The following FBH1 variants were observed in gnomAD, a reference collection of about 807,000 sequenced individuals.
The protein encoded by FBH1 is F-box DNA helicase 1, also known as DNA 3'-5' helicase 1.
Under a neutral mutation model 115.5 loss-of-function variants are expected in FBH1, and 43 were observed. The ratio of observed to expected loss-of-function variants is 0.37; its 90% CI spans 0.29 to 0.48. The LOEUF is 0.48. FBH1 is among the 20% of genes least tolerant of loss of function. The pLI, the probability that FBH1 is intolerant of heterozygous loss-of-function variation, is 0.99. For synonymous variants in FBH1, 524 were observed against 507.8 expected (o/e 1.03, Z -0.43); for missense variants, 1,001 against 1,337.3 (o/e 0.75, Z 3.92).
rs567468228 is a variant in FBH1 at position 5,931,032 on chromosome 10, G to A, written c.2829+3491G>A. Among the ~76,000 whole-genome samples, 1 of 152,062 alleles carries A rather than the reference G, an allele frequency of 6.6e-6. No homozygotes were observed. The highest frequency in any genetic ancestry group is 2.4e-5 in the African/African-American group (1 of 41,406). On this transcript the variant is annotated intron_variant, in intron 19 of 20. Coordinates refer to ENST00000362091, the MANE Select transcript of FBH1 (RefSeq NM_178150.3). The surrounding 1 kb of genome is among the most constrained non-coding windows in gnomAD (Gnocchi z 4.3). ...CCTACCTCAGCCTCCCAAAGTTCTG[G>A]GATTATAGGTGTGACACCAGGCAAA...
Position 5,913,116 on chromosome 10 carries a change from T to TGAGTCTGAC in FBH1, c.1212-619_1212-611dup, listed in dbSNP as rs1213412654. Among the ~76,000 whole-genome samples the TGAGTCTGAC allele has an allele frequency of 3.3e-5, 5 of 152,116 alleles. No homozygotes were observed. Among genetic ancestry groups the TGAGTCTGAC allele is most frequent in the East Asian group, 1.9e-4 (1 of 5,194 alleles). Reference sequence around the variant, plus strand: ...AGGCTTTGGAACGGCGTGTGCCAGCTGAGTCTGACGAGTCTGACGATGTCC... The same window carrying TGAGTCTGAC: ...AGGCTTTGGAACGGCGTGTGCCAGCTGAGTCTGACGAGTCTGACGAGTCTGACGATGTCC... On this transcript the variant is annotated intron_variant, in intron 6 of 20. Transcript: ENST00000362091. The surrounding 1 kb of genome is among the most constrained non-coding windows in gnomAD (Gnocchi z 4.4).
intron 1 of FBH1, among the ~76,000 whole-genome samples, chr10:5,898,284 G>C (rs61832956): frequency 6.6e-6 from 1 of 152,122 alleles, no homozygotes; most frequent in African/African-American, 2.4e-5. Context: ...GTTCATAGAC[G>C]GCACCTTCTC....
At chr10:5,896,231 C>G (rs1430735721) in intron 1 of FBH1, among the ~76,000 whole-genome samples, 1 of 152,056 alleles carries the variant, frequency 6.6e-6, no homozygotes, top group Non-Finnish European at 1.5e-5. Flanking sequence ...ATCGGGGGAC[C>G]TCACCAGGGC....
chr10:5,925,136 G>A lies in FBH1; in HGVS notation c.2597-231G>A, dbSNP rs1832564034. The A allele has an allele frequency of 3.9e-6, 2 of 508,212 alleles. No individual in the cohort carries two copies. Among genetic ancestry groups the A allele is most frequent in the South Asian group, 2.2e-5 (1 of 46,470 alleles). The allele number at this position is 508,212 out of a possible 1,614,324, so 31.5% of individuals were successfully genotyped here. On this transcript the variant is annotated intron_variant, in intron 17 of 20. Transcript: ENST00000362091. This position sits in a 1 kb window ranked among gnomAD's most constrained non-coding sequence, Gnocchi z 4.6. ...CCTCTGGGATGTGATTCCGAGAGGC[G>A]TTAACTCTCCTGCAACTAATTTTCG...
rs1047688349 is a variant in FBH1, at chr10:5,917,787, A to C, written c.1963+111A>C. 2.3e-6 allele frequency: 2 copies of C among 879,170 alleles called. No homozygotes were observed. The highest frequency in any genetic ancestry group is 3.6e-6 in the Non-Finnish European group (2 of 558,088). 54.5% of individuals were successfully genotyped at this position (879,170 alleles called of 1,614,324 possible). On this transcript the variant is annotated intron_variant, in intron 12 of 20. Transcript: ENST00000362091. The surrounding 1 kb of genome is among the most constrained non-coding windows in gnomAD (Gnocchi z 5.6). ...TTGATTATTATTATTTGTGATAAAG[A>C]AGAGGATCTTCATACTTACCTTAGG...
In FBH1 at chr10:5,911,848, T is replaced by C. The variant is rs1034338272; in HGVS notation, c.1211+720T>C. On this transcript the variant is annotated intron_variant, in intron 6 of 20. Coordinates refer to ENST00000362091, the MANE Select transcript of FBH1 (RefSeq NM_178150.3). The surrounding 1 kb of genome is among the most constrained non-coding windows in gnomAD (Gnocchi z 5.4). ...GGTGGAAAAAGCTTCTCTGAGCAGG[T>C]AGTGTCTGAGTGAAACCTGAGTGTG... is the stretch of plus-strand genomic sequence containing the variant. 6.6e-6 allele frequency among the ~76,000 whole-genome samples: 1 copy of C among 152,078 alleles called. No homozygotes were observed. The highest frequency in any genetic ancestry group is 1.5e-5 in the Non-Finnish European group (1 of 68,002).
intron 2 of FBH1, among the ~76,000 whole-genome samples, chr10:5,903,972 A>T (rs1305987445): frequency 6.6e-6 from 1 of 152,214 alleles, no homozygotes; most frequent in Non-Finnish European, 1.5e-5. Context: ...TACCAAATGA[A>T]TTCCCACTTT....
chr10:5,909,164 C>T lies in FBH1; in HGVS notation c.890C>T (p.Thr297Ile), dbSNP rs370139924. 3.7e-5 allele frequency: 60 copies of T among 1,613,628 alleles called. No homozygotes were observed. Among genetic ancestry groups the T allele is most frequent in the African/African-American group, 1.5e-4 (11 of 75,038 alleles). Reference protein sequence around the residue: ...DLCVLNLIRYTATTKCSPSVD... With the variant: ...DLCVLNLIRYIATTKCSPSVD... ...CTCCTGTGAATGTCTTACAGATACA[C>T]AGCCACCACTAAGTGCTCTCCGAGT... Residue 297 changes from threonine (T) to isoleucine (I), a missense_variant, in exon 5 of 21, where the codon ACA becomes ATA. Coordinates refer to ENST00000362091, the MANE Select transcript of FBH1 (RefSeq NM_178150.3). This position sits in a 1 kb window ranked among gnomAD's most constrained non-coding sequence, Gnocchi z 4.4.
Position 5,935,525 on chromosome 10 carries a change from G to A in FBH1, c.2830-931G>A, listed in dbSNP as rs544911146. ...AGGAAATTGAGATGACAGTCCAAGG[G>A]ACTTCAGCAAAATCTGTGACTTCAG... is the stretch of plus-strand genomic sequence containing the variant. On this transcript the variant is annotated intron_variant, in intron 19 of 20. Coordinates refer to ENST00000362091, the MANE Select transcript of FBH1 (RefSeq NM_178150.3). The surrounding 1 kb of genome is among the most constrained non-coding windows in gnomAD (Gnocchi z 5.2). The A allele has an allele frequency of 2.0e-5, 3 of 152,354 alleles. No homozygotes were observed. The highest frequency in any genetic ancestry group is 4.1e-4 in the South Asian group (2 of 4,824). The allele number at this position is 152,354 out of a possible 1,614,324, so 9.4% of individuals were successfully genotyped here.
At position 5,923,756 on chromosome 10, in the gene FBH1, A is replaced by G; in HGVS notation, c.2398+60A>G. 2 of 1,479,906 alleles carry G rather than the reference A, an allele frequency of 1.4e-6. No homozygotes were observed. Among genetic ancestry groups the G allele is most frequent in the Non-Finnish European group, 1.9e-6 (2 of 1,063,004 alleles). 91.7% of individuals were successfully genotyped at this position (1,479,906 alleles called of 1,614,324 possible). A position where few individuals can be genotyped will look rare whatever the true frequency, so the allele number is the denominator to read the frequency against. On this transcript the variant is annotated intron_variant, in intron 16 of 20. Transcript: ENST00000362091. This position sits in a 1 kb window ranked among gnomAD's most constrained non-coding sequence, Gnocchi z 5.7. The stretch of plus-strand genomic sequence containing the variant: ...ACGCACCCAAGTGACAGGGACGAGA[A>G]AGAAGCAGGCCCAGTCTGAGTCAGG...
chr10:5,937,100 A>G lies in FBH1; in HGVS notation c.2962-10A>G. 2.5e-6 allele frequency: 4 copies of G among 1,588,476 alleles called. No homozygotes were observed. Among genetic ancestry groups the G allele is most frequent in the South Asian group, 1.1e-5 (1 of 87,918 alleles). On this transcript the variant is annotated splice_polypyrimidine_tract_variant and intron_variant, in intron 20 of 20. Coordinates refer to ENST00000362091, the MANE Select transcript of FBH1 (RefSeq NM_178150.3). ...TTCCCCTTAGCTCTCTCTCTTGTCC[A>G]TCACCACAGAGCAACAGGAAGGAAA...
intron 1 of FBH1, among the ~76,000 whole-genome samples, chr10:5,892,788 C>T (rs563064773): frequency 4.3e-4 from 65 of 152,304 alleles, no homozygotes; most frequent in African/African-American, 1.5e-3. Flanking sequence ...GCCAGTTATC[C>T]TTGTTGCTCT....
rs1831495597 is a variant in FBH1 at position 5,910,262 on chromosome 10, A to G, written c.1021-676A>G. Among the ~76,000 whole-genome samples the G allele has an allele frequency of 2.0e-5, 3 of 151,814 alleles. No individual in the cohort carries two copies. Among genetic ancestry groups the G allele is most frequent in the Admixed American group, 6.6e-5 (1 of 15,242 alleles). On this transcript the variant is annotated intron_variant, in intron 5 of 20. Transcript: ENST00000362091. This position sits in a 1 kb window ranked among gnomAD's most constrained non-coding sequence, Gnocchi z 4.8. ...GCGCCACTGCACTCCAGCCTGTGTG[A>G]CAGAGTCAGACTTTGTCTCAAAAAA...
intron 19 of FBH1, 57 bp downstream of exon 19, chr10:5,927,598 C>A: frequency 1.4e-6 from 2 of 1,400,296 alleles, no homozygotes; most frequent in Non-Finnish European, 2.0e-6. Flanking sequence ...ATTTAGTCTG[C>A]TTGAGGGGCT....
At position 5,917,554 on chromosome 10, in the gene FBH1, C is replaced by T. The variant is rs201313093; in HGVS notation, c.1877-36C>T. ...GGGACTGGCCAATGGGACTGCCTTC[C>T]TGGCGTTACAACTCCTGCGTCTCTC... On this transcript the variant is annotated intron_variant, in intron 11 of 20. Transcript: ENST00000362091. The surrounding 1 kb of genome is among the most constrained non-coding windows in gnomAD (Gnocchi z 5.6). 67 of 1,613,538 alleles carry T rather than the reference C, an allele frequency of 4.2e-5. No individual in the cohort carries two copies. Among genetic ancestry groups the T allele is most frequent in the Non-Finnish European group, 5.4e-5 (64 of 1,179,582 alleles).
At chr10:5,896,665 C>T (rs1206754718) in intron 1 of FBH1, among the ~76,000 whole-genome samples, 1 of 152,114 alleles carries the variant, frequency 6.6e-6, no homozygotes, top group Non-Finnish European at 1.5e-5. Flanking sequence ...TTCAACAACT[C>T]TGGGGGCCTT....
intron 1 of FBH1, among the ~76,000 whole-genome samples, chr10:5,898,363 C>T (rs1235480481): frequency 6.6e-6 from 1 of 152,134 alleles, no homozygotes; most frequent in East Asian, 1.9e-4. Flanking sequence ...GCACTAATCC[C>T]ATTTGTGGGG....
intron 1 of FBH1, among the ~76,000 whole-genome samples, chr10:5,898,969 G>T (rs1843172069): frequency 6.6e-6 from 1 of 152,174 alleles, no homozygotes; most frequent in Admixed American, 6.5e-5. Flanking sequence ...CAGTGAGGTG[G>T]CTGCAGAAGG....
Position 5,915,561 on chromosome 10 carries a change from A to C in FBH1, c.1555A>C (p.Ile519Leu). Residue 519 changes from isoleucine (I) to leucine (L), a missense_variant, in exon 9 of 21, where the codon ATA (isoleucine) becomes CTA (leucine). By Grantham distance (5) the Ile-to-Leu change is conservative. Around this residue, in one of 4 missense-constraint regions of FBH1, gnomAD observed 521 missense variants for 811.0 expected, o/e 0.64. Transcript: ENST00000362091. This position sits in a 1 kb window ranked among gnomAD's most constrained non-coding sequence, Gnocchi z 5.2. The part of the protein sequence containing the change: ...KTFHSMAYGH[I>L]GRKYQSKKKL... ...CTTCCACTCCATGGCCTACGGGCAC[A>C]TAGGGCGGAAGTGAGTACTGCTGTC... 1 of 1,614,196 alleles carries C rather than the reference A, an allele frequency of 6.2e-7. No individual in the cohort carries two copies. The highest frequency in any genetic ancestry group is 8.5e-7 in the Non-Finnish European group (1 of 1,180,022).
Sources: gnomAD v4.1 joint callset for allele counts (sites outside exome capture counted in the v4.1 genomes callset) on GRCh38, gnomAD v4.1.1 for gene constraint, gnomAD v4.1.1 regional missense constraint, Gnocchi (gnomAD v3.1) non-coding constraint, MANE v1.5 for transcripts, NCBI Gene and HGNC (gene_info 2026-07-23, HGNC 2026-07-21) for gene names.